PPFIA2: variants seen among roughly 807,000 people sequenced by gnomAD.
The protein encoded by PPFIA2 is PPFI scaffold protein A2.
Under a neutral mutation model 175.5 loss-of-function variants are expected in PPFIA2, and 46 were observed. That is an observed-to-expected ratio of 0.26 (90% CI 0.21 to 0.34). The LOEUF (loss-of-function observed/expected upper bound fraction) is 0.34, where lower values mean the gene tolerates loss of function less well. PPFIA2 is among the 10% of genes least tolerant of loss of function. The pLI is 1.00. For synonymous variants in PPFIA2, 568 were observed against 511.4 expected, an observed-to-expected ratio of 1.11 and a Z score of -1.49; for missense variants, 1,179 against 1,506.1, an observed-to-expected ratio of 0.78 and a Z score of 3.60.
At chr12:81,728,563 T>G (rs966039888) in intron 3 of PPFIA2, among the ~76,000 whole-genome samples, 3 of 151,540 alleles carry the variant, frequency 2.0e-5, no homozygotes, top group African/African-American at 7.2e-5. Context: ...ATTATCTAAA[T>G]TTTAATAAAA....
intron 4 of PPFIA2, among the ~76,000 whole-genome samples, chr12:81,476,760 A>G (rs6539569): frequency 0.82 from 124,891 of 152,174 alleles, 51,997 homozygotes; most frequent in East Asian, 1. Context: ...ACATGCACAC[A>G]AGTGTTCATT....
intron 4 of PPFIA2, among the ~76,000 whole-genome samples, chr12:81,638,682 CTTTTTTTTTTTT>C (rs869311003): frequency 5.5e-5 from 4 of 72,684 alleles, no homozygotes; most frequent in Non-Finnish European, 9.7e-5. Context: ...CATAAATTTT[CTTTTTTTTTTTT>C]TTTTTTTTTT....
intron 4 of PPFIA2, among the ~76,000 whole-genome samples, chr12:81,538,606 G>A (rs750574337): frequency 2.8e-4 from 43 of 151,992 alleles, no homozygotes; most frequent in Non-Finnish European, 3.1e-4. Flanking sequence ...TTTCAACAAA[G>A]ACTTGAAAGA....
chr12:81,632,711 A>G (rs919346867), intron 4 of PPFIA2, among the ~76,000 whole-genome samples: 1 of 152,086 alleles, frequency 6.6e-6, no homozygotes, highest in African/African-American at 2.4e-5. Context: ...AAGAAAGGAA[A>G]TATGCAAGCT....
At position 81,432,753 on chromosome 12, in the gene PPFIA2, G is replaced by A. The variant is rs113237294; in HGVS notation, c.645+7219C>T. On this transcript the variant is annotated intron_variant, in intron 7 of 32. Coordinates refer to ENST00000549396, the MANE Select transcript of PPFIA2 (RefSeq NM_003625.5). ...ATTACAGGCGTGAGCCACTACGCCC[G>A]GCTAGAACTAACTATTTACAAATAT... Among the ~76,000 whole-genome samples the A allele has an allele frequency of 1.6e-3, 244 of 151,926 alleles. 1 individual carries two copies. Among genetic ancestry groups the A allele is most frequent in the African/African-American group, 5.4e-3 (225 of 41,426 alleles).
At chr12:81,579,393 T>C (rs540631540) in intron 4 of PPFIA2, among the ~76,000 whole-genome samples, 1 of 151,928 alleles carries the variant, frequency 6.6e-6, no homozygotes, top group South Asian at 2.1e-4. Flanking sequence ...TTTTGTTTCA[T>C]TTTAAACAGA....
chr12:81,499,990 G>C (rs1187427943), intron 4 of PPFIA2, among the ~76,000 whole-genome samples: 1 of 152,016 alleles, frequency 6.6e-6, no homozygotes, highest in Non-Finnish European at 1.5e-5. Context: ...TTAAACTAAA[G>C]GACATGACCC....
At chr12:81,416,526 C>T (rs951521744) in intron 7 of PPFIA2, among the ~76,000 whole-genome samples, 6 of 151,650 alleles carry the variant, frequency 4.0e-5, no homozygotes, top group Admixed American at 2.6e-4. Context: ...CTAATAACTT[C>T]TCACCTCCTT....
rs1371158503 is a variant in PPFIA2, at chr12:81,339,222, G to A, written c.2506C>T (p.Arg836Cys). ...KKKGIKSSIG[R>C]LFGKKEKARL... ...GCTTTTTCTTTTTTACCAAACAAAC[G>A]TCCTATTGAAGACTTGATTCCTTTC... The change falls in exon 21 of 33, where the codon CGT (arginine) becomes TGT (cysteine). Residue 836 changes from arginine to cysteine, a missense_variant. This residue lies in a region of PPFIA2 where 223 missense variants were observed against 241.6 expected (regional missense o/e 0.92). Coordinates refer to ENST00000549396, the MANE Select transcript of PPFIA2 (RefSeq NM_003625.5). 6.2e-7 allele frequency: 1 copy of A among 1,606,618 alleles called. No individual in the cohort carries two copies. The highest frequency in any genetic ancestry group is 1.7e-5 in the Admixed American group (1 of 58,956).
intron 7 of PPFIA2, among the ~76,000 whole-genome samples, chr12:81,413,083 T>A (rs1001213944): frequency 2.0e-5 from 3 of 151,904 alleles, no homozygotes; most frequent in African/African-American, 7.2e-5. Flanking sequence ...CAGTAACTCA[T>A]GTCATGCAAG....
intron 4 of PPFIA2, among the ~76,000 whole-genome samples, chr12:81,594,809 G>T (rs1293545558): frequency 6.6e-6 from 1 of 152,030 alleles, no homozygotes; most frequent in African/African-American, 2.4e-5. Context: ...GCTACTTGTG[G>T]GGCTAAGGTG....
At chr12:81,480,735 G>C (rs1021538535) in intron 4 of PPFIA2, among the ~76,000 whole-genome samples, 3 of 152,100 alleles carry the variant, frequency 2.0e-5, no homozygotes, top group Admixed American at 6.5e-5. Flanking sequence ...GGTATCACCA[G>C]AGGAGGCTGC....
At chr12:81,616,263 T>C (rs1171667911) in intron 4 of PPFIA2, among the ~76,000 whole-genome samples, 1 of 152,172 alleles carries the variant, frequency 6.6e-6, no homozygotes, top group Non-Finnish European at 1.5e-5. Flanking sequence ...AGTAGAACGT[T>C]ATCCACAAAA....
intron 3 of PPFIA2, among the ~76,000 whole-genome samples, chr12:81,739,493 G>C (rs941838490): frequency 6.6e-6 from 1 of 151,752 alleles, no homozygotes; most frequent in African/African-American, 2.4e-5. Flanking sequence ...TTGATATTTA[G>C]AACTGATTTT....
chr12:81,663,641 TC>T (rs2069437464), intron 4 of PPFIA2, among the ~76,000 whole-genome samples: 1 of 152,034 alleles, frequency 6.6e-6, no homozygotes, highest in Non-Finnish European at 1.5e-5. Context: ...TCAATGCCAT[TC>T]CCATCAAGCT....
In PPFIA2 at chr12:81,384,319, A is replaced by G; in HGVS notation, c.763-75T>C. The G allele has an allele frequency of 5.6e-6, 6 of 1,067,180 alleles. No individual in the cohort carries two copies. The South Asian group carries it at 1.1e-4, about 20-fold the overall frequency. 66.1% of individuals were successfully genotyped at this position (1,067,180 alleles called of 1,614,324 possible). ...TAAAATTTAAAATAAACTTAAAGAAATTAAACTGACACTGCTTTCACAGTG... is the reference window on the plus strand; with the variant it reads ...TAAAATTTAAAATAAACTTAAAGAAGTTAAACTGACACTGCTTTCACAGTG... On this transcript the variant is annotated intron_variant, in intron 8 of 32. Transcript: ENST00000549396.
At chr12:81,445,084 A>G (rs1238944602) in intron 6 of PPFIA2, among the ~76,000 whole-genome samples, 1 of 152,090 alleles carries the variant, frequency 6.6e-6, no homozygotes, top group Non-Finnish European at 1.5e-5. Flanking sequence ...TAGAGACATT[A>G]GAAAATAAGA....
chr12:81,333,756 T>C (rs2056585584), intron 21 of PPFIA2, among the ~76,000 whole-genome samples: 1 of 152,180 alleles, frequency 6.6e-6, no homozygotes. Flanking sequence ...ATCTTTTCAC[T>C]TAGGATTCCT....
chr12:81,755,720 C>T (rs2153668893), intron 2 of PPFIA2, among the ~76,000 whole-genome samples: 1 of 152,156 alleles, frequency 6.6e-6, no homozygotes, highest in African/African-American at 2.4e-5. Flanking sequence ...GGTCATTGAA[C>T]ATTAGGAAAG....
Sources: allele counts gnomAD v4.1 joint callset (sites outside exome capture counted in the v4.1 genomes callset), GRCh38; gene constraint gnomAD v4.1.1; regional missense constraint gnomAD v4.1.1; transcripts MANE v1.5; gene names NCBI Gene and HGNC (gene_info 2026-07-23, HGNC 2026-07-21).